ANKHD1: variants seen among roughly 807,000 people sequenced by gnomAD.
The protein encoded by ANKHD1 is ankyrin repeat and KH domain containing 1.
In ANKHD1, 31 loss-of-function variants were observed where a neutral mutation model predicts 230.5. The ratio of observed to expected loss-of-function variants is 0.13; its 90% CI spans 0.10 to 0.18. The LOEUF is 0.18. Among genes scored for constraint, ANKHD1 ranks in the 10% least tolerant of loss-of-function variants. ANKHD1 has a pLI of 1.00. For missense variants in ANKHD1, 2,256 were observed against 3,071.3 expected, an observed-to-expected ratio of 0.73 and a Z score of 6.27; for synonymous variants, 1,074 against 1,117.6, an observed-to-expected ratio of 0.96 and a Z score of 0.78.
At position 140,497,143 on chromosome 5, in the gene ANKHD1, A is replaced by G; in HGVS notation, c.2869A>G (p.Asn957Asp). ...TCTTGAACTTCAGAAAGTATCAGGT[A>G]ATCAGCAGATTGTAGGACAGCCTCA... ...NSLELQKVSG[N>D]QQIVGQPQIA... is the part of the protein sequence containing the mutation. Residue 957 changes from asparagine to aspartate, a missense_variant, in exon 15 of 34, where the codon AAT (asparagine) becomes GAT (aspartate). Coordinates refer to ENST00000360839, the MANE Select transcript of ANKHD1 (RefSeq NM_017747.3). The G allele has an allele frequency of 6.2e-7, 1 of 1,614,178 alleles. No homozygotes were observed. The highest frequency in any genetic ancestry group is 8.5e-7 in the Non-Finnish European group (1 of 1,180,034).
rs1474901911 is a variant in ANKHD1 at position 140,402,032 on chromosome 5, G to A, written c.65G>A (p.Arg22Gln). 2.0e-6 allele frequency: 3 copies of A among 1,501,870 alleles called. No individual in the cohort carries two copies. Among genetic ancestry groups the A allele is most frequent in the Non-Finnish European group, 2.7e-6 (3 of 1,131,336 alleles). 93.0% of individuals were successfully genotyped at this position (1,501,870 alleles called of 1,614,324 possible). A position where few individuals can be genotyped will look rare whatever the true frequency, so the allele number is the denominator to read the frequency against. ...GAGGACCTGGACTCTGTGGCTCCGC[G>A]ATCCGCCCCAGCTGGGGCCTCGGAG... ...FEEDLDSVAP[R>Q]SAPAGASEPP... The change falls in exon 1 of 34, where the codon CGA becomes CAA. Residue 22 changes from arginine (R) to glutamine (Q), a missense_variant. By Grantham distance (43) the Arg-to-Gln change is conservative. Around this residue, in one of 13 missense-constraint regions of ANKHD1, gnomAD observed 193 missense variants for 185.8 expected, o/e 1.04. Transcript: ENST00000360839.
chr5:140,420,407 A>G (rs1376029326), intron 1 of ANKHD1, among the ~76,000 whole-genome samples: 2 of 152,200 alleles, frequency 1.3e-5, no homozygotes, highest in Non-Finnish European at 2.9e-5. Context: ...GCGTAATCCA[A>G]GATGACAAAG....
At chr5:140,427,394 C>G (rs1772560299) in intron 1 of ANKHD1, among the ~76,000 whole-genome samples, 1 of 816 alleles carries the variant, frequency 1.2e-3, no homozygotes, top group African/African-American at 4.9e-3. Context: ...CACCTCCCTC[C>G]CCGACGGGCG....
At position 140,408,277 on chromosome 5, in the gene ANKHD1, C is replaced by T. The variant is rs7735489; in HGVS notation, c.306+6004C>T. On this transcript the variant is annotated intron_variant, in intron 1 of 33. Transcript: ENST00000360839. ...AAGGGGAAAAGTAAAAGTGCTTCTT[C>T]CCACCCCCATTAATTCTTCAAATTC... Among the ~76,000 whole-genome samples, 899 of 152,256 alleles carry T rather than the reference C, an allele frequency of 5.9e-3. 11 individuals carry two copies. The highest frequency in any genetic ancestry group is 0.021 in the African/African-American group (872 of 41,554).
At chr5:140,461,931 A>G (rs530962785) in intron 9 of ANKHD1, among the ~76,000 whole-genome samples, 36 of 152,228 alleles carry the variant, frequency 2.4e-4, no homozygotes, top group African/African-American at 8.2e-4. Flanking sequence ...GATTCATAAA[A>G]TCACTATTAA....
intron 8 of ANKHD1, 130 bp downstream of exon 8, chr5:140,458,992 A>G (rs1775484831): frequency 8.1e-4 from 15 of 18,436 alleles, no homozygotes; most frequent in South Asian, 5.2e-3. Context: ...ATATATATAT[A>G]TATGCATATA....
intron 10 of ANKHD1, among the ~76,000 whole-genome samples, chr5:140,475,492 C>G (rs1356547793): frequency 2.0e-5 from 3 of 152,040 alleles, no homozygotes; most frequent in African/African-American, 7.2e-5. Context: ...GATCAACTAT[C>G]TAGGGTTATG....
At chr5:140,530,831 G>A (rs114072118) in intron 29 of ANKHD1, among the ~76,000 whole-genome samples, 104 of 152,330 alleles carry the variant, frequency 6.8e-4, no homozygotes, top group African/African-American at 2.4e-3. Flanking sequence ...CATATTCCAT[G>A]CTACTTTGTT....
chr5:140,427,302 G>A (rs1772534938), intron 1 of ANKHD1, among the ~76,000 whole-genome samples: 1 of 146,774 alleles, frequency 6.8e-6, no homozygotes, highest in African/African-American at 2.5e-5. Flanking sequence ...TCCCGGACGG[G>A]GCGGCTGGCC....
In ANKHD1 at chr5:140,504,807, A is replaced by G. The variant is rs1466485308; in HGVS notation, c.3005-14A>G. 2.5e-6 allele frequency: 4 copies of G among 1,605,054 alleles called. No individual in the cohort carries two copies. Among genetic ancestry groups the G allele is most frequent in the South Asian group, 2.3e-5 (2 of 88,796 alleles). On this transcript the variant is annotated splice_polypyrimidine_tract_variant and intron_variant, in intron 15 of 33. Transcript: ENST00000360839. ...TTTTAAGTGGAATTTAGCAATATGAATATTGTTTTTCAGCTGTGAGTACCA... is the reference window on the plus strand; with the variant it reads ...TTTTAAGTGGAATTTAGCAATATGAGTATTGTTTTTCAGCTGTGAGTACCA...
chr5:140,468,504 A>G (rs1776270988), intron 10 of ANKHD1, among the ~76,000 whole-genome samples: 1 of 152,148 alleles, frequency 6.6e-6, no homozygotes, highest in Admixed American at 6.5e-5. Flanking sequence ...TTTAAATGAG[A>G]TTTGATATGG....
At chr5:140,532,881 G>C (rs1424572493) in intron 29 of ANKHD1, 1 of 361,502 alleles carries the variant, frequency 2.8e-6, no homozygotes, top group Non-Finnish European at 5.5e-6. Context: ...TGGATCACTT[G>C]AAGTCAGGAG....
intron 5 of ANKHD1, among the ~76,000 whole-genome samples, chr5:140,444,814 C>T (rs1240884165): frequency 6.6e-6 from 1 of 152,134 alleles, no homozygotes; most frequent in Admixed American, 6.6e-5. Context: ...CATTTGGAGT[C>T]CCCTCAGTTA....
chr5:140,402,578 G>T (rs1000830577), intron 1 of ANKHD1, among the ~76,000 whole-genome samples: 1 of 152,162 alleles, frequency 6.6e-6, no homozygotes, highest in Non-Finnish European at 1.5e-5. Context: ...AGTTGGGGGT[G>T]GGGGGCGGGG....
intron 24 of ANKHD1, among the ~76,000 whole-genome samples, chr5:140,519,508 C>T (rs1302712831): frequency 3.3e-5 from 5 of 152,188 alleles, no homozygotes; most frequent in Admixed American, 1.3e-4. Flanking sequence ...GGAGGCATCA[C>T]ACTACCTGAC....
intron 29 of ANKHD1, among the ~76,000 whole-genome samples, chr5:140,532,205 TAAAA>T (rs78497065): frequency 2.4e-5 from 3 of 126,656 alleles, no homozygotes; most frequent in Admixed American, 8.1e-5. Flanking sequence ...GACTCTGTCT[TAAAA>T]AAAAAAAAAA....
intron 10 of ANKHD1, among the ~76,000 whole-genome samples, chr5:140,476,993 T>C (rs1751006550): frequency 6.6e-6 from 1 of 152,028 alleles, no homozygotes; most frequent in Admixed American, 6.6e-5. Flanking sequence ...TCAGAACAAA[T>C]ATAAAGCTAT....
intron 24 of ANKHD1, among the ~76,000 whole-genome samples, chr5:140,514,215 A>G (rs1459938571): frequency 6.8e-6 from 1 of 146,980 alleles, no homozygotes; most frequent in Non-Finnish European, 1.5e-5. Flanking sequence ...AAAGGAATTG[A>G]CAGATGTCAT....
intron 29 of ANKHD1, among the ~76,000 whole-genome samples, chr5:140,530,816 T>C (rs1412727656): frequency 6.6e-6 from 1 of 152,270 alleles, no homozygotes; most frequent in Non-Finnish European, 1.5e-5. Context: ...GTTGGAAAAC[T>C]GCCCCATATT....
Sources: allele counts gnomAD v4.1 joint callset (sites outside exome capture counted in the v4.1 genomes callset), GRCh38; gene constraint gnomAD v4.1.1; regional missense constraint gnomAD v4.1.1; transcripts MANE v1.5; gene names NCBI Gene and HGNC (gene_info 2026-07-23, HGNC 2026-07-21).